The following SWT1 variants were observed in gnomAD, a reference collection of about 807,000 sequenced individuals.
SWT1 encodes the protein SWT1 RNA endoribonuclease homolog, also known as transcriptional protein SWT1.
A neutral mutation model predicts 107.3 loss-of-function variants in SWT1; 33 were observed. The observed-to-expected ratio is 0.31, with a 90% CI of 0.23 to 0.41. The LOEUF (loss-of-function observed/expected upper bound fraction) is 0.41. Ranked by LOEUF, SWT1 falls within the 10% of genes least tolerant of loss-of-function variation. The pLI, the probability that SWT1 is intolerant of heterozygous loss-of-function variation, is 1.00. For synonymous variants in SWT1, 345 were observed against 348.3 expected (o/e 0.99, Z 0.11); for missense variants, 898 against 1,028.9 (o/e 0.87, Z 1.74).
At chr1:185,227,214 G>T in intron 15 of SWT1, 2 of 831,418 alleles carry the variant, frequency 2.4e-6, no homozygotes, top group Non-Finnish European at 4.1e-6. Flanking sequence ...TCCCTTCAGG[G>T]TGCTAAAAAC....
chr1:185,169,085 C>T (rs1180432926), intron 4 of SWT1, among the ~76,000 whole-genome samples: 1 of 152,140 alleles, frequency 6.6e-6, no homozygotes, highest in Non-Finnish European at 1.5e-5. Flanking sequence ...CAAACAATCT[C>T]AGTTAGTGTT....
chr1:185,288,271 GGTCACA>G (rs1665060376), intron 18 of SWT1, among the ~76,000 whole-genome samples: 1 of 152,032 alleles, frequency 6.6e-6, no homozygotes, highest in Non-Finnish European at 1.5e-5. Context: ...TTAGGGAGCA[GGTCACA>G]CTGTATTGCT....
At position 185,195,448 on chromosome 1, in the gene SWT1, G is replaced by A. The variant is rs530298032; in HGVS notation, c.1523+4806G>A. On this transcript the variant is annotated intron_variant, in intron 10 of 18. Coordinates refer to ENST00000367500, the MANE Select transcript of SWT1 (RefSeq NM_017673.7). ...AGTCTTTGCTATTGTGAATAGTGCC[G>A]CAATAAACATATGTGTGCATGTGTC... is the stretch of plus-strand genomic sequence containing the variant. Among the ~76,000 whole-genome samples, 354 of 152,238 alleles carry A rather than the reference G, an allele frequency of 2.3e-3. 3 individuals carry two copies. Among genetic ancestry groups the A allele is most frequent in the Admixed American group, 5.0e-3 (76 of 15,294 alleles).
intron 10 of SWT1, among the ~76,000 whole-genome samples, chr1:185,190,858 A>G (rs1208818000): frequency 6.6e-6 from 1 of 152,182 alleles, no homozygotes; most frequent in Non-Finnish European, 1.5e-5. Flanking sequence ...TTTAATTTTT[A>G]TACGATTCAG....
At chr1:185,176,237 G>C (rs1207574840) in intron 5 of SWT1, among the ~76,000 whole-genome samples, 1 of 122,470 alleles carries the variant, frequency 8.2e-6, no homozygotes, top group Non-Finnish European at 1.6e-5. Flanking sequence ...ATGGTGAGCT[G>C]ATCATGTAAC....
At chr1:185,202,375 C>T (rs1221762198) in intron 10 of SWT1, among the ~76,000 whole-genome samples, 4 of 152,078 alleles carry the variant, frequency 2.6e-5, no homozygotes, top group Non-Finnish European at 5.9e-5. Context: ...TAACTTTACA[C>T]CTCAATTCCC....
intron 4 of SWT1, among the ~76,000 whole-genome samples, chr1:185,171,165 A>T (rs994856318): frequency 6.6e-6 from 1 of 152,286 alleles, no homozygotes; most frequent in African/African-American, 2.4e-5. Context: ...AACAGGAAAA[A>T]AAAAAAAGTC....
At chr1:185,161,067 GTTTT>G in intron 2 of SWT1, 142 bp downstream of exon 2, 9 of 637,104 alleles carry the variant, frequency 1.4e-5, no homozygotes, top group East Asian at 5.7e-5. Flanking sequence ...TGCTTTTCCG[GTTTT>G]TTACTTGCAT....
chr1:185,218,337 G>A (rs1659382381), intron 14 of SWT1, among the ~76,000 whole-genome samples: 1 of 152,038 alleles, frequency 6.6e-6, no homozygotes, highest in Non-Finnish European at 1.5e-5. Context: ...ACAGGGTCTC[G>A]CTTTGTAGCC....
At chr1:185,261,063 G>A (rs1167587331) in intron 16 of SWT1, among the ~76,000 whole-genome samples, 3 of 151,944 alleles carry the variant, frequency 2.0e-5, no homozygotes, top group Admixed American at 1.3e-4. Flanking sequence ...TTAAGTATAC[G>A]GTTTAGTGGC....
chr1:185,280,036 C>T (rs1430459903), intron 18 of SWT1, among the ~76,000 whole-genome samples: 1 of 152,048 alleles, frequency 6.6e-6, no homozygotes. Flanking sequence ...TTTGTGTCCC[C>T]ACCCAAATCT....
chr1:185,282,163 G>A (rs1437575983), intron 18 of SWT1, among the ~76,000 whole-genome samples: 1 of 152,004 alleles, frequency 6.6e-6, no homozygotes, highest in Non-Finnish European at 1.5e-5. Flanking sequence ...AGACTCTTGG[G>A]GTCTATTTCT....
intron 3 of SWT1, among the ~76,000 whole-genome samples, 177 bp downstream of exon 3, chr1:185,166,829 C>T (rs1321490253): frequency 2.0e-5 from 3 of 152,140 alleles, no homozygotes; most frequent in African/African-American, 4.8e-5. Flanking sequence ...CTGTTAGGCC[C>T]TACCATGTGG....
chr1:185,162,165 G>T (rs1022318055), intron 2 of SWT1, among the ~76,000 whole-genome samples: 1 of 152,114 alleles, frequency 6.6e-6, no homozygotes, highest in African/African-American at 2.4e-5. Context: ...TTATTAACTG[G>T]CATGCTGTTT....
chr1:185,253,026 T>G (rs1348281768), intron 16 of SWT1, among the ~76,000 whole-genome samples: 3 of 139,718 alleles, frequency 2.1e-5, no homozygotes, highest in Non-Finnish European at 4.6e-5. Flanking sequence ...CCAGCACCAT[T>G]TATTAAATAG....
intron 15 of SWT1, among the ~76,000 whole-genome samples, chr1:185,231,193 G>T (rs1660485054): frequency 6.6e-6 from 1 of 152,102 alleles, no homozygotes; most frequent in Admixed American, 6.5e-5. Flanking sequence ...AAATTACTAG[G>T]ATTAACTTCT....
At chr1:185,241,332 G>C (rs1661242371) in intron 16 of SWT1, among the ~76,000 whole-genome samples, 1 of 152,022 alleles carries the variant, frequency 6.6e-6, no homozygotes, top group Non-Finnish European at 1.5e-5. Flanking sequence ...TACTTTCTTT[G>C]AGGCTTGGCC....
chr1:185,177,804 A>G lies in SWT1; in HGVS notation c.967-2587A>G, dbSNP rs187680710. Among the ~76,000 whole-genome samples, 12 of 152,270 alleles carry G rather than the reference A, an allele frequency of 7.9e-5. No individual in the cohort carries two copies. The East Asian group carries it at 2.1e-3, about 27-fold the overall frequency. On this transcript the variant is annotated intron_variant, in intron 5 of 18. Coordinates refer to ENST00000367500, the MANE Select transcript of SWT1 (RefSeq NM_017673.7). ...CTCTCAAATTGCAAACCTCCCCCTC[A>G]TTGAAAATTAATGTCCTAGAGATTT...
chr1:185,200,840 CTG>C (rs1266276059), intron 10 of SWT1, among the ~76,000 whole-genome samples: 2 of 152,160 alleles, frequency 1.3e-5, no homozygotes, highest in African/African-American at 4.8e-5. Context: ...TCTGCTGAAA[CTG>C]TGCCCACAGC....
Sources: allele counts gnomAD v4.1 joint callset (sites outside exome capture counted in the v4.1 genomes callset), GRCh38; gene constraint gnomAD v4.1.1; transcripts MANE v1.5; gene names NCBI Gene and HGNC (gene_info 2026-07-23, HGNC 2026-07-21).